Variants in MORN5 observed in about 807,000 individuals in gnomAD.
The protein encoded by MORN5 is MORN repeat-containing protein 5.
MORN5 carries 21 observed loss-of-function variants against 22.1 expected under a neutral mutation model. That is an observed-to-expected ratio of 0.95 (90% CI 0.67 to 1.37). MORN5 has a LOEUF of 1.37. MORN5 is among the 40% of genes most tolerant of loss of function. The pLI is 0.00. For synonymous variants in MORN5, 73 were observed against 74.0 expected, an observed-to-expected ratio of 0.99 and a Z score of 0.07; for missense variants, 211 against 215.1, an observed-to-expected ratio of 0.98 and a Z score of 0.12.
intron 1 of MORN5, among the ~76,000 whole-genome samples, chr9:122,160,646 G>A (rs570400213): frequency 1.4e-5 from 2 of 146,382 alleles, no homozygotes; most frequent in Admixed American, 1.4e-4. Flanking sequence ...ACAAGATCTC[G>A]CTCTGTTGCC....
At chr9:122,198,094 C>T (rs1353657531) in intron 4 of MORN5, among the ~76,000 whole-genome samples, 2 of 152,172 alleles carry the variant, frequency 1.3e-5, no homozygotes, top group East Asian at 3.9e-4. Context: ...GCCTGGTGAA[C>T]CTTGGTTGGA....
In MORN5 at chr9:122,173,629, C is replaced by T. The variant is rs116943950; in HGVS notation, c.308-867C>T. On this transcript the variant is annotated intron_variant, in intron 3 of 4. Transcript: ENST00000373764. ...AAGGAACCTGAGAAGTTATTTATTC[C>T]AACCTCTCCCTTTACTTGAGCCATG... Among the ~76,000 whole-genome samples, 9 of 152,148 alleles carry T rather than the reference C, an allele frequency of 5.9e-5. No homozygotes were observed. In the East Asian group the frequency reaches 1.7e-3, roughly 29 times the overall value.
At chr9:122,191,507 T>A (rs772883245) in intron 4 of MORN5, among the ~76,000 whole-genome samples, 20 of 152,126 alleles carry the variant, frequency 1.3e-4, no homozygotes, top group Non-Finnish European at 2.2e-4. Context: ...AGCCCCCACA[T>A]ACACGCGGAG....
At chr9:122,181,296 T>C (rs895981367) in intron 4 of MORN5, among the ~76,000 whole-genome samples, 2 of 152,182 alleles carry the variant, frequency 1.3e-5, no homozygotes, top group Non-Finnish European at 2.9e-5. Flanking sequence ...GTACCCGCCT[T>C]AAAGCCTTTG....
intron 4 of MORN5, among the ~76,000 whole-genome samples, chr9:122,179,676 G>A (rs1829506128): frequency 6.6e-6 from 1 of 152,186 alleles, no homozygotes; most frequent in Non-Finnish European, 1.5e-5. Flanking sequence ...TTTTGGTCCT[G>A]ATATTATAGG....
intron 4 of MORN5, among the ~76,000 whole-genome samples, chr9:122,183,552 GA>G (rs757990082): frequency 6.6e-6 from 1 of 152,200 alleles, no homozygotes; most frequent in Non-Finnish European, 1.5e-5. Context: ...GACAGAGAGT[GA>G]GCATCCCAAA....
At chr9:122,194,029 C>G (rs1277584499) in intron 4 of MORN5, among the ~76,000 whole-genome samples, 2 of 152,178 alleles carry the variant, frequency 1.3e-5, no homozygotes, top group African/African-American at 4.8e-5. Flanking sequence ...CTTTTCTTCT[C>G]TATAAAAAGC....
intron 4 of MORN5, among the ~76,000 whole-genome samples, chr9:122,195,881 T>G (rs1035907378): frequency 4.6e-5 from 7 of 152,176 alleles, no homozygotes; most frequent in Non-Finnish European, 1.0e-4. Flanking sequence ...TTATGCATTT[T>G]TACCAGTATC....
intron 2 of MORN5, 108 bp downstream of exon 2, chr9:122,167,023 ACTCTT>A: frequency 1.0e-6 from 1 of 963,584 alleles, no homozygotes; most frequent in South Asian, 2.9e-5. Flanking sequence ...TGTTCCATTC[ACTCTT>A]CTCTTTGCTT....
intron 4 of MORN5, among the ~76,000 whole-genome samples, chr9:122,175,124 G>A (rs757276099): frequency 3.9e-5 from 6 of 152,300 alleles, no homozygotes; most frequent in African/African-American, 7.2e-5. Flanking sequence ...GAGGTGGGAC[G>A]GATGCTGTGG....
intron 2 of MORN5, 140 bp downstream of exon 2, chr9:122,167,055 A>AAT: frequency 7.1e-6 from 4 of 559,674 alleles, no homozygotes; most frequent in Non-Finnish European, 1.0e-5. Flanking sequence ...CACTCCCCCC[A>AAT]CTTTTTTTTT....
In MORN5 at chr9:122,169,740, T is replaced by C; in HGVS notation, c.291T>C (p.Asn97=). ...GGAGGTTTTACACAGAGATCCTCAA[T>C]GGCTTGAAGCCTGCAGGTACCCAGG... ...YDRRFYTEIL[N]GLKPAGMAQL... Residue 97 remains asparagine, a synonymous_variant, in exon 3 of 5, where the codon AAT becomes AAC. Coordinates refer to ENST00000373764, the MANE Select transcript of MORN5 (RefSeq NM_198469.4). 5 of 1,613,254 alleles carry C rather than the reference T, an allele frequency of 3.1e-6. No homozygotes were observed. Among genetic ancestry groups the C allele is most frequent in the Non-Finnish European group, 4.2e-6 (5 of 1,179,162 alleles).
At chr9:122,185,760 C>T (rs1004821866) in intron 4 of MORN5, among the ~76,000 whole-genome samples, 2 of 152,176 alleles carry the variant, frequency 1.3e-5, no homozygotes, top group African/African-American at 2.4e-5. Flanking sequence ...CCAGAGAGGG[C>T]AAATCACATG....
chr9:122,196,335 ATT>A (rs35655121), intron 4 of MORN5, among the ~76,000 whole-genome samples: 268 of 136,404 alleles, frequency 2.0e-3, no homozygotes, highest in African/African-American at 4.6e-3. Context: ...AAAGCCAATA[ATT>A]TTTTTTTTTT....
chr9:122,200,006 T>G lies in MORN5; in HGVS notation c.*75T>G, dbSNP rs1829981563. ...CACCAGAGGTTTCCATCTGCCCTAC[T>G]AGCATTGGCTGCCCTGGGGGACGGG... On this transcript the variant is annotated 3_prime_UTR_variant, in exon 5 of 5. Coordinates refer to ENST00000373764, the MANE Select transcript of MORN5 (RefSeq NM_198469.4). 3.5e-6 allele frequency: 5 copies of G among 1,443,228 alleles called. No homozygotes were observed. In the South Asian group the frequency reaches 5.7e-5, roughly 16 times the overall value. 89.4% of individuals were successfully genotyped at this position (1,443,228 alleles called of 1,614,324 possible).
chr9:122,175,325 G>T (rs564931940), intron 4 of MORN5: 1 of 318,698 alleles, frequency 3.1e-6, no homozygotes, highest in South Asian at 1.2e-4. Context: ...GTGCAAGAAG[G>T]TTGGTTCATC....
chr9:122,166,290 A>T (rs1829279447), intron 1 of MORN5, among the ~76,000 whole-genome samples: 1 of 151,918 alleles, frequency 6.6e-6, no homozygotes, highest in Non-Finnish European at 1.5e-5. Context: ...TTATATATAT[A>T]TATAATGGTG....
chr9:122,183,334 C>G (rs1273923343), intron 4 of MORN5, among the ~76,000 whole-genome samples: 1 of 152,208 alleles, frequency 6.6e-6, no homozygotes. Flanking sequence ...ATGAGTATCT[C>G]TTTCATGGGG....
intron 1 of MORN5, among the ~76,000 whole-genome samples, chr9:122,166,506 T>G (rs1391378812): frequency 6.6e-6 from 1 of 151,668 alleles, no homozygotes; most frequent in African/African-American, 2.4e-5. Flanking sequence ...ACTAGGGGGG[T>G]TTATTTCAGG....
Sources: gnomAD v4.1 joint callset for allele counts (sites outside exome capture counted in the v4.1 genomes callset) on GRCh38, gnomAD v4.1.1 for gene constraint, MANE v1.5 for transcripts, NCBI Gene and HGNC (gene_info 2026-07-23, HGNC 2026-07-21) for gene names.